FAM184A: variants seen among roughly 807,000 people sequenced by gnomAD.
FAM184A encodes family with sequence similarity 184 member A, also known as protein FAM184A.
A neutral mutation model predicts 143.8 loss-of-function variants in FAM184A; 99 were observed. The ratio of observed to expected loss-of-function variants is 0.69; its 90% CI spans 0.58 to 0.81. The LOEUF (loss-of-function observed/expected upper bound fraction) is 0.81, where lower values mean the gene tolerates loss of function less well. Ranked by LOEUF, FAM184A falls within the 40% of genes least tolerant of loss-of-function variation. The probability of loss-of-function intolerance (pLI) is 0.00; values close to 1 mark genes in which losing one functional copy is unlikely to be tolerated. For synonymous variants in FAM184A, 427 were observed against 446.4 expected (o/e 0.96, Z 0.55); for missense variants, 1,217 against 1,310.5 (o/e 0.93, Z 1.10).
At chr6:119,027,909 T>C (rs1046624213) in intron 1 of FAM184A, among the ~76,000 whole-genome samples, 6 of 152,208 alleles carry the variant, frequency 3.9e-5, no homozygotes, top group Non-Finnish European at 7.3e-5. Flanking sequence ...TGAACTTAAA[T>C]GTTTTAAACA....
At chr6:119,069,771 G>A (rs1787613770) in intron 1 of FAM184A, among the ~76,000 whole-genome samples, 1 of 152,028 alleles carries the variant, frequency 6.6e-6, no homozygotes, top group South Asian at 2.1e-4. Context: ...TATACTATAT[G>A]AGAAAGTGAA....
chr6:118,966,588 A>G (rs186906057), intron 15 of FAM184A, among the ~76,000 whole-genome samples: 4 of 152,348 alleles, frequency 2.6e-5, no homozygotes, highest in Admixed American at 1.3e-4. Flanking sequence ...ATTATTAAAC[A>G]TTCAATATGT....
intron 1 of FAM184A, among the ~76,000 whole-genome samples, chr6:119,120,179 T>C (rs1338010227): frequency 6.6e-6 from 1 of 152,232 alleles, no homozygotes; most frequent in East Asian, 1.9e-4. Context: ...CATAATCCGC[T>C]TGTTCTTCCC....
At chr6:119,144,875 CAT>C (rs1025766522) in intron 1 of FAM184A, among the ~76,000 whole-genome samples, 7 of 152,324 alleles carry the variant, frequency 4.6e-5, no homozygotes, top group African/African-American at 1.7e-4. Flanking sequence ...GTGTCACTGA[CAT>C]ACACATTCAC....
At chr6:119,113,829 A>T (rs1480137898) in intron 1 of FAM184A, among the ~76,000 whole-genome samples, 2 of 152,008 alleles carry the variant, frequency 1.3e-5, no homozygotes, top group Non-Finnish European at 2.9e-5. Context: ...GTAATCCCAG[A>T]TACTTGGAAG....
chr6:119,016,902 T>C lies in FAM184A; in HGVS notation c.1375A>G (p.Arg459Gly), dbSNP rs778955476. Reference sequence around the variant, plus strand: ...CTACTTTGCAGGTTTTTAAGTTCCCTTTCATAATATTCTTGCTGAGTTCTC... The same window carrying C: ...CTACTTTGCAGGTTTTTAAGTTCCCCTTCATAATATTCTTGCTGAGTTCTC... ...AKRTQQEYYE[R>G]ELKNLQSRLE... The change falls in exon 5 of 18, where the codon AGG becomes GGG. Residue 459 changes from arginine (R) to glycine (G), a missense_variant. Arg to Gly is a moderately radical substitution (Grantham distance 125). Coordinates refer to ENST00000338891, the MANE Select transcript of FAM184A (RefSeq NM_024581.6). 1.2e-6 allele frequency: 2 copies of C among 1,613,634 alleles called. No individual in the cohort carries two copies. The highest frequency in any genetic ancestry group is 2.2e-5 in the South Asian group (2 of 90,940).
intron 1 of FAM184A, among the ~76,000 whole-genome samples, chr6:119,058,918 T>C (rs1340422716): frequency 6.6e-6 from 1 of 152,098 alleles, no homozygotes; most frequent in Non-Finnish European, 1.5e-5. Flanking sequence ...CCTACCTCAA[T>C]AATTTGTAAC....
At chr6:119,079,071 C>T (rs1385737603), upstream of FAM184A, 3 of 152,292 alleles carry the variant, frequency 2.0e-5, no homozygotes, top group African/African-American at 7.2e-5. Context: ...TGTGCAGGGC[C>T]CCAAGAAGTG....
intron 1 of FAM184A, among the ~76,000 whole-genome samples, chr6:119,071,510 T>C (rs1167432658): frequency 6.6e-6 from 1 of 152,224 alleles, no homozygotes; most frequent in Non-Finnish European, 1.5e-5. Context: ...CAAGTCATAG[T>C]ATACAAAATA....
At chr6:119,127,643 C>T (rs1789407605) in intron 1 of FAM184A, among the ~76,000 whole-genome samples, 1 of 152,234 alleles carries the variant, frequency 6.6e-6, no homozygotes, top group African/African-American at 2.4e-5. Context: ...ATCAGGAATT[C>T]CCTACCAGGT....
At chr6:118,970,986 G>A (rs1398799595) in intron 14 of FAM184A, among the ~76,000 whole-genome samples, 2 of 151,872 alleles carry the variant, frequency 1.3e-5, no homozygotes, top group Non-Finnish European at 2.9e-5. Context: ...AACCAAAAAT[G>A]GTATACTATT....
At chr6:119,100,280 C>T (rs945198921) in intron 1 of FAM184A, among the ~76,000 whole-genome samples, 2 of 152,080 alleles carry the variant, frequency 1.3e-5, no homozygotes, top group Non-Finnish European at 2.9e-5. Flanking sequence ...ATTATCTTTG[C>T]ATTGTACAAT....
intron 9 of FAM184A, among the ~76,000 whole-genome samples, chr6:118,981,737 A>T (rs1049671470): frequency 6.6e-6 from 1 of 152,226 alleles, no homozygotes; most frequent in African/African-American, 2.4e-5. Flanking sequence ...AGGGTTCTGG[A>T]CAAAGTTATC....
chr6:119,035,698 C>G (rs553599854), intron 1 of FAM184A, among the ~76,000 whole-genome samples: 5 of 152,288 alleles, frequency 3.3e-5, no homozygotes, highest in South Asian at 2.1e-4. Flanking sequence ...ACAACCTTAT[C>G]TTAACCCAGA....
chr6:119,113,023 G>C (rs1788971826), intron 1 of FAM184A, among the ~76,000 whole-genome samples: 1 of 151,718 alleles, frequency 6.6e-6, no homozygotes, highest in African/African-American at 2.4e-5. Context: ...CTGGCAGAGG[G>C]GAGTGTAGTT....
chr6:119,090,211 A>G (rs1158425287), intron 1 of FAM184A, among the ~76,000 whole-genome samples: 1 of 152,244 alleles, frequency 6.6e-6, no homozygotes, highest in Non-Finnish European at 1.5e-5. Flanking sequence ...GTTGGTTACC[A>G]CTTTGGTCAA....
At chr6:119,109,126 T>C (rs201781737) in intron 1 of FAM184A, among the ~76,000 whole-genome samples, 2 of 151,332 alleles carry the variant, frequency 1.3e-5, no homozygotes, top group African/African-American at 2.5e-5. Flanking sequence ...CTTGGTCTTA[T>C]TGTTTTCTCA....
intron 5 of FAM184A, among the ~76,000 whole-genome samples, chr6:119,016,235 C>CTCTACCAATCAG (rs1785247150): frequency 6.6e-6 from 1 of 152,102 alleles, no homozygotes; most frequent in South Asian, 2.1e-4. Context: ...GTGGGTGGGG[C>CTCTACCAATCAG]CAGATAAGAG....
chr6:119,063,543 G>A (rs926447639), intron 1 of FAM184A, among the ~76,000 whole-genome samples: 10 of 152,176 alleles, frequency 6.6e-5, no homozygotes, highest in South Asian at 2.1e-4. Context: ...ATGTAACTGC[G>A]AACATGTTTG....
Sources: gnomAD v4.1 joint callset for allele counts (sites outside exome capture counted in the v4.1 genomes callset) on GRCh38, gnomAD v4.1.1 for gene constraint, MANE v1.5 for transcripts, NCBI Gene and HGNC (gene_info 2026-07-23, HGNC 2026-07-21) for gene names.